UNC13C: variants seen among roughly 807,000 people sequenced by gnomAD.
UNC13C encodes the protein protein unc-13 homolog C.
Under a neutral mutation model 245.4 loss-of-function variants are expected in UNC13C, and 174 were observed. The ratio of observed to expected loss-of-function variants is 0.71; its 90% confidence interval spans 0.63 to 0.80. The LOEUF (loss-of-function observed/expected upper bound fraction) is 0.80. UNC13C is among the 30% of genes least tolerant of loss of function. The pLI is 0.00. For missense variants in UNC13C, 2,829 were observed against 2,602.9 expected, an observed-to-expected ratio of 1.09 and a Z score of -1.89; for synonymous variants, 992 against 895.1, an observed-to-expected ratio of 1.11 and a Z score of -1.93.
At chr15:54,587,768 C>T (rs920731287) in intron 30 of UNC13C, among the ~76,000 whole-genome samples, 1 of 151,956 alleles carries the variant, frequency 6.6e-6, no homozygotes, top group African/African-American at 2.4e-5. Context: ...TGTGCATCTC[C>T]TCTCTACACA....
rs1893945488 is a variant in UNC13C at position 54,496,277 on chromosome 15, T to C, written c.5060+1543T>C. Among the ~76,000 whole-genome samples the C allele has an allele frequency of 2.0e-5, 3 of 151,800 alleles. No homozygotes were observed. In the South Asian group the frequency reaches 6.2e-4, roughly 31 times the overall value. Reference sequence around the variant, plus strand: ...TAAAGGCCATACTGAAAATATAGAGTGATTGCAGCAAGTATGTAAAGGGTG... The same window carrying C: ...TAAAGGCCATACTGAAAATATAGAGCGATTGCAGCAAGTATGTAAAGGGTG... On this transcript the variant is annotated intron_variant, in intron 20 of 32. Coordinates refer to ENST00000260323, the MANE Select transcript of UNC13C (RefSeq NM_001080534.3).
At chr15:54,630,783 T>C (rs1441262342), downstream of UNC13C, 3 of 152,136 alleles carry the variant, frequency 2.0e-5, no homozygotes, top group African/African-American at 7.2e-5. Context: ...AAAACTAGGA[T>C]ATGTGATATG....
intron 15 of UNC13C, among the ~76,000 whole-genome samples, chr15:54,333,203 C>T (rs1382557455): frequency 6.6e-6 from 1 of 151,938 alleles, no homozygotes; most frequent in African/African-American, 2.4e-5. Flanking sequence ...CTTTTCATTC[C>T]TTCAAAATTA....
rs141783212 is a variant in UNC13C, at chr15:54,454,027, C to T, written c.4933+38960C>T. Among the ~76,000 whole-genome samples, 4 of 151,978 alleles carry T rather than the reference C, an allele frequency of 2.6e-5. No individual in the cohort carries two copies. In the East Asian group the frequency reaches 7.7e-4, roughly 29 times the overall value. ...TAAATGCAATCATAAAATATGTTGC[C>T]TTGTGTCTGGCTTCTCTCACTCAGC... On this transcript the variant is annotated intron_variant, in intron 19 of 32. Transcript: ENST00000260323.
rs1028114828 is a variant in UNC13C, at chr15:53,978,537, C to T, written c.-647C>T. On this transcript the variant is annotated 5_prime_UTR_variant, in exon 1 of 33. Coordinates refer to ENST00000260323, the MANE Select transcript of UNC13C (RefSeq NM_001080534.3). Reference sequence around the variant, plus strand: ...TCAAATGTTGATGAGCCTGGGCGCTCCTCAACACACGGGAGAGATCCCATT... The same window carrying T: ...TCAAATGTTGATGAGCCTGGGCGCTTCTCAACACACGGGAGAGATCCCATT... 6.6e-6 allele frequency among the ~76,000 whole-genome samples: 1 copy of T among 152,146 alleles called. No homozygotes were observed. Among genetic ancestry groups the T allele is most frequent in the African/African-American group, 2.4e-5 (1 of 41,450 alleles).
chr15:53,987,863 C>T (rs957480560), intron 1 of UNC13C, among the ~76,000 whole-genome samples: 9 of 152,030 alleles, frequency 5.9e-5, no homozygotes, highest in Admixed American at 2.0e-4. Flanking sequence ...CAAGTTGCTG[C>T]TTTTGCCCTA....
intron 4 of UNC13C, among the ~76,000 whole-genome samples, chr15:54,164,155 AGG>A (rs1228406945): frequency 6.6e-6 from 1 of 152,196 alleles, no homozygotes; most frequent in African/African-American, 2.4e-5. Context: ...AGTTAAAGAA[AGG>A]AAAAAGGAGA....
chr15:54,356,808 A>G (rs963597195), intron 17 of UNC13C, among the ~76,000 whole-genome samples: 5 of 152,182 alleles, frequency 3.3e-5, no homozygotes, highest in Non-Finnish European at 5.9e-5. Context: ...TACAAATTTG[A>G]TAGATATAAA....
At chr15:54,093,721 A>G (rs1304280468) in intron 2 of UNC13C, among the ~76,000 whole-genome samples, 2 of 152,186 alleles carry the variant, frequency 1.3e-5, no homozygotes, top group Admixed American at 6.5e-5. Flanking sequence ...GCTGTTGAGC[A>G]TATGTCTATA....
Position 54,593,315 on chromosome 15 carries a change from C to A in UNC13C, c.6106+25368C>A, listed in dbSNP as rs184726655. 2.6e-3 allele frequency among the ~76,000 whole-genome samples: 375 copies of A among 143,592 alleles called. 2 individuals carry two copies. Among genetic ancestry groups the A allele is most frequent in the African/African-American group, 9.1e-3 (353 of 38,666 alleles). The allele number at this position is 143,592 out of a possible 152,430, so 94.2% of individuals were successfully genotyped here. On this transcript the variant is annotated intron_variant, in intron 30 of 32. Transcript: ENST00000260323. ...AAAGATCTTCTTGTGATGAATTTCC[C>A]AGGTGTTCTTTGTGCTTCTTGTATT...
intron 2 of UNC13C, among the ~76,000 whole-genome samples, chr15:54,039,960 A>G (rs944164313): frequency 2.0e-5 from 3 of 151,704 alleles, no homozygotes; most frequent in African/African-American, 7.3e-5. Context: ...TCATAATGTC[A>G]TCCTCTTTTC....
intron 19 of UNC13C, among the ~76,000 whole-genome samples, chr15:54,482,704 G>C (rs557025206): frequency 1.3e-5 from 2 of 148,320 alleles, no homozygotes; most frequent in East Asian, 4.1e-4. Context: ...CAAGTGCCAG[G>C]TACCTCTAGT....
At chr15:54,491,112 G>A (rs898970059) in intron 19 of UNC13C, among the ~76,000 whole-genome samples, 5 of 152,146 alleles carry the variant, frequency 3.3e-5, no homozygotes, top group African/African-American at 1.2e-4. Flanking sequence ...CATGCAACCT[G>A]GGGCAAGAGA....
At position 54,015,000 on chromosome 15, in the gene UNC13C, A is replaced by G; in HGVS notation, c.2097A>G (p.Gly699=). 2 of 1,613,676 alleles carry G rather than the reference A, an allele frequency of 1.2e-6. No homozygotes were observed. The highest frequency in any genetic ancestry group is 1.7e-6 in the Non-Finnish European group (2 of 1,179,810). Reference sequence around the variant, plus strand: ...ACAATAAAGACCTAGAATACTTGGGAAAGTGCCACAGTGATCTTCAAGATG... The same window carrying G: ...ACAATAAAGACCTAGAATACTTGGGGAAGTGCCACAGTGATCTTCAAGATG... ...DVYNKDLEYL[G]KCHSDLQDDS... The change falls in exon 2 of 33, where the codon GGA becomes GGG. Residue 699 remains glycine, a synonymous_variant. Transcript: ENST00000260323.
At chr15:54,201,638 C>G (rs116097422) in intron 4 of UNC13C, among the ~76,000 whole-genome samples, 1 of 151,758 alleles carries the variant, frequency 6.6e-6, no homozygotes, top group Non-Finnish European at 1.5e-5. Flanking sequence ...AAATCCTCAG[C>G]AAAATTGTTA....
At chr15:54,012,418 G>C (rs146506397) in intron 1 of UNC13C, among the ~76,000 whole-genome samples, 1 of 152,144 alleles carries the variant, frequency 6.6e-6, no homozygotes, top group African/African-American at 2.4e-5. Context: ...TATTTCAGTT[G>C]TGTCCACCCA....
intron 17 of UNC13C, among the ~76,000 whole-genome samples, chr15:54,340,283 G>A (rs1382037007): frequency 6.6e-6 from 1 of 152,160 alleles, no homozygotes; most frequent in Admixed American, 6.5e-5. Context: ...AAGCTCTTTA[G>A]TTTAATTAAA....
chr15:54,129,697 T>C (rs2141211622), intron 2 of UNC13C, among the ~76,000 whole-genome samples: 1 of 151,798 alleles, frequency 6.6e-6, no homozygotes, highest in South Asian at 2.1e-4. Context: ...CATAAAGATG[T>C]ATATATCATT....
chr15:53,918,026 G>T, the UNC13C span, among the ~76,000 whole-genome samples: 5 of 152,226 alleles, frequency 3.3e-5, no homozygotes, highest in Non-Finnish European at 4.4e-5. Context: ...TGGAACAAAA[G>T]AAGTTGATTG....
Sources: allele counts gnomAD v4.1 joint callset (sites outside exome capture counted in the v4.1 genomes callset), GRCh38; gene constraint gnomAD v4.1.1; transcripts MANE v1.5; gene names NCBI Gene and HGNC (gene_info 2026-07-23, HGNC 2026-07-21).